COQ8A: variants seen among roughly 807,000 people sequenced by gnomAD.
The protein encoded by COQ8A is coenzyme Q8A, also known as atypical kinase COQ8A, mitochondrial.
COQ8A carries 51 observed loss-of-function variants against 65.0 expected under a neutral mutation model. The ratio of observed to expected loss-of-function variants is 0.78; its 90% CI spans 0.63 to 0.99. COQ8A has a LOEUF of 0.99. Among genes scored for constraint, COQ8A ranks in the 50% least tolerant of loss-of-function variants. COQ8A has a pLI of 0.00. For synonymous variants in COQ8A, 371 were observed against 353.2 expected, an observed-to-expected ratio of 1.05 and a Z score of -0.57; for missense variants, 940 against 875.0, an observed-to-expected ratio of 1.07 and a Z score of -0.94.
chr1:226,955,118 C>A (rs1657607238), intron 1 of COQ8A, among the ~76,000 whole-genome samples: 1 of 152,038 alleles, frequency 6.6e-6, no homozygotes. Flanking sequence ...GTGGGAATAT[C>A]AGATGCTTGA....
chr1:226,965,634 G>A, intron 3 of COQ8A, 37 bp from the exon 4 acceptor site: 1 of 1,612,124 alleles, frequency 6.2e-7, no homozygotes, highest in Non-Finnish European at 8.5e-7. Flanking sequence ...CTGTCCCCTT[G>A]GCTGATTCCA....
At chr1:226,969,218 T>G (rs772573987) in intron 4 of COQ8A, among the ~76,000 whole-genome samples, 35 of 152,374 alleles carry the variant, frequency 2.3e-4, no homozygotes, top group Middle Eastern at 6.8e-3. Context: ...TCTGCTATGA[T>G]TGTGGATTTA....
At position 226,965,733 on chromosome 1, in the gene COQ8A, C is replaced by G. The variant is rs375627978; in HGVS notation, c.651C>G (p.Phe217Leu). The part of the protein sequence containing the change: ...PVTRIGRLAN[F>L]GGLAVGLGFG... ...CGAGGATTGGCCGGCTGGCCAACTT[C>G]GGAGGTAAGGTGGCTGTGTGCCCCT... The change falls in exon 4 of 15, where the codon TTC (phenylalanine) becomes TTG (leucine). Residue 217 changes from phenylalanine (F) to leucine (L), a missense_variant. Coordinates refer to ENST00000366777, the MANE Select transcript of COQ8A (RefSeq NM_020247.5). 2.5e-6 allele frequency: 4 copies of G among 1,613,676 alleles called. No homozygotes were observed. In the East Asian group the frequency reaches 8.9e-5, roughly 36 times the overall value.
In COQ8A at chr1:226,946,289, A is replaced by G. The variant is rs756548684; in HGVS notation, c.-10+5890A>G. Among the ~76,000 whole-genome samples, 14 of 152,280 alleles carry G rather than the reference A, an allele frequency of 9.2e-5. No individual in the cohort carries two copies. The Middle Eastern group carries it at 0.017, about 185-fold the overall frequency. On this transcript the variant is annotated intron_variant, in intron 1 of 14. Coordinates refer to ENST00000366777, the MANE Select transcript of COQ8A (RefSeq NM_020247.5). This position sits in a 1 kb window ranked among gnomAD's most constrained non-coding sequence, Gnocchi z 5.3. ...TTAGAGGAAAGGAGATGACTTGCCT[A>G]TGGAGGGGTTTACCAGTCCAGCAGG...
chr1:226,957,386 A>G lies in COQ8A; in HGVS notation c.-9-3991A>G, dbSNP rs117139204. Among the ~76,000 whole-genome samples, 382 of 149,054 alleles carry G rather than the reference A, an allele frequency of 2.6e-3. 9 individuals carry two copies. The East Asian group carries it at 0.049, about 19-fold the overall frequency. ...CCAGTCATGTCTAGGCTTTGGTGGCAGATATGACTGCAAGAGACTTCAGGA... is the reference window on the plus strand; with the variant it reads ...CCAGTCATGTCTAGGCTTTGGTGGCGGATATGACTGCAAGAGACTTCAGGA... On this transcript the variant is annotated intron_variant, in intron 1 of 14. Transcript: ENST00000366777.
intron 1 of COQ8A, among the ~76,000 whole-genome samples, chr1:226,945,520 A>G (rs1357248922): frequency 6.6e-6 from 1 of 152,202 alleles, no homozygotes; most frequent in Non-Finnish European, 1.5e-5. Context: ...ATTGCCCGGT[A>G]AGCTGAAGGT....
chr1:226,956,409 T>C (rs1206358394), intron 1 of COQ8A, among the ~76,000 whole-genome samples: 1 of 124,810 alleles, frequency 8.0e-6, no homozygotes, highest in African/African-American at 3.4e-5. Flanking sequence ...TTCTCCCTGG[T>C]TCCCGCTCTC....
At chr1:226,945,786 G>A (rs1657001098) in intron 1 of COQ8A, among the ~76,000 whole-genome samples, 1 of 152,248 alleles carries the variant, frequency 6.6e-6, no homozygotes, top group Non-Finnish European at 1.5e-5. Context: ...GTCTTAGACA[G>A]GGACGGGGGT....
Position 226,965,074 on chromosome 1 carries a change from G to T in COQ8A, c.252G>T (p.Pro84=), listed in dbSNP as rs775657261. The change falls in exon 3 of 15, where the codon CCG becomes CCT. Residue 84 remains proline (P), a synonymous_variant. Coordinates refer to ENST00000366777, the MANE Select transcript of COQ8A (RefSeq NM_020247.5). The part of the protein sequence containing the change: ...GPEGEFHFSV[P]HAAGASTDFS... ...AAGGGGAGTTCCACTTCTCAGTCCC[G>T]CATGCAGCCGGAGCCTCCACAGACT... The T allele has an allele frequency of 1.9e-6, 3 of 1,613,940 alleles. No homozygotes were observed. The highest frequency in any genetic ancestry group is 2.5e-6 in the Non-Finnish European group (3 of 1,180,034).
chr1:226,955,874 A>ACACTCTCCCTGGCTGC (rs1414889880), intron 1 of COQ8A, among the ~76,000 whole-genome samples: 1 of 58,828 alleles, frequency 1.7e-5, no homozygotes, highest in Admixed American at 1.8e-4. Context: ...TCCCTGGTTC[A>ACACTCTCCCTGGCTGC]CACTCTCCCT....
At chr1:226,941,683 G>A (rs1472252533) in intron 1 of COQ8A, among the ~76,000 whole-genome samples, 1 of 151,842 alleles carries the variant, frequency 6.6e-6, no homozygotes, top group Non-Finnish European at 1.5e-5. Flanking sequence ...GCTGAGGTGG[G>A]AGAATTGCTT....
chr1:226,961,512 C>T lies in COQ8A; in HGVS notation c.127C>T (p.Leu43=), dbSNP rs753789581. 1 of 1,613,858 alleles carries T rather than the reference C, an allele frequency of 6.2e-7. No homozygotes were observed. The highest frequency in any genetic ancestry group is 1.1e-5 in the South Asian group (1 of 91,086). The change falls in exon 2 of 15, where the codon CTG becomes TTG. Residue 43 remains leucine, a synonymous_variant. Coordinates refer to ENST00000366777, the MANE Select transcript of COQ8A (RefSeq NM_020247.5). ...GGAGCTGATCATGGCGGCCAGGGCC[C>T]TGCAGTCCACGGCTGTGGAGCAGAT... ...GGELIMAARA[L]QSTAVEQIGM... is the part of the protein sequence containing the mutation.
At chr1:226,977,208 G>A (rs1000914469) in intron 4 of COQ8A, among the ~76,000 whole-genome samples, 4 of 152,188 alleles carry the variant, frequency 2.6e-5, no homozygotes, top group Non-Finnish European at 5.9e-5. Flanking sequence ...CAAAGGTGAT[G>A]GTGTGGAGTG....
rs770546950 is a variant in COQ8A, at chr1:226,961,419, G to T, written c.34G>T (p.Ala12Ser). The T allele has an allele frequency of 6.2e-7, 1 of 1,613,812 alleles. No homozygotes were observed. ...AAILGDTIMV[A>S]KGLVKLTQAA... ...CATATTGGGAGACACCATCATGGTG[G>T]CTAAAGGCCTTGTCAAGCTGACCCA... Residue 12 changes from alanine (A) to serine (S), a missense_variant, in exon 2 of 15, where the codon GCT becomes TCT. Coordinates refer to ENST00000366777, the MANE Select transcript of COQ8A (RefSeq NM_020247.5).
chr1:226,940,720 C>G (rs1656638861), intron 1 of COQ8A: 1 of 152,672 alleles, frequency 6.5e-6, no homozygotes. Flanking sequence ...TTCCCGCTGC[C>G]GAATGCCCGT....
intron 8 of COQ8A, 21 bp downstream of exon 8, chr1:226,983,055 T>G: frequency 6.4e-7 from 1 of 1,570,934 alleles, no homozygotes; most frequent in Non-Finnish European, 8.6e-7. Context: ...TGATGCGCAG[T>G]GCCTGTCCCT....
At chr1:226,975,546 CTA>C (rs1659140542) in intron 4 of COQ8A, among the ~76,000 whole-genome samples, 1 of 152,230 alleles carries the variant, frequency 6.6e-6, no homozygotes, top group Non-Finnish European at 1.5e-5. Flanking sequence ...GTAAATTATA[CTA>C]TTAGAATTCA....
rs779092824 is a variant in COQ8A at position 226,984,908 on chromosome 1, A to G, written c.1539A>G (p.Glu513=). The G allele has an allele frequency of 1.2e-6, 2 of 1,614,060 alleles. No individual in the cohort carries two copies. The highest frequency in any genetic ancestry group is 8.5e-7 in the Non-Finnish European group (1 of 1,179,970). Residue 513 remains glutamate (E), a synonymous_variant, in exon 13 of 15, where the codon GAA becomes GAG. Transcript: ENST00000366777. ...TTTTGGATTTTGGGGCAACGCGGGA[A>G]TATGACAGATCCTTCACCGACCTCT... The part of the protein sequence containing the change: ...VALLDFGATR[E]YDRSFTDLYI...
chr1:226,942,683 T>G (rs1253880838), intron 1 of COQ8A, among the ~76,000 whole-genome samples: 1 of 152,192 alleles, frequency 6.6e-6, no homozygotes, highest in East Asian at 1.9e-4. Context: ...CTGGGTGCAT[T>G]TCAAACATAC....
Sources: allele counts gnomAD v4.1 joint callset (sites outside exome capture counted in the v4.1 genomes callset), GRCh38; gene constraint gnomAD v4.1.1; non-coding constraint Gnocchi (gnomAD v3.1); transcripts MANE v1.5; gene names NCBI Gene and HGNC (gene_info 2026-07-23, HGNC 2026-07-21).